ZCCHC17: variants seen among roughly 807,000 people sequenced by gnomAD.
ZCCHC17 encodes the protein zinc finger CCHC domain-containing protein 17.
A neutral mutation model predicts 30.6 loss-of-function variants in ZCCHC17; 18 were observed. The observed-to-expected ratio is 0.59, with a 90% CI of 0.41 to 0.87. The LOEUF is 0.87. Ranked by LOEUF, ZCCHC17 falls within the 40% of genes least tolerant of loss-of-function variation. The pLI, the probability that ZCCHC17 is intolerant of heterozygous loss-of-function variation, is 0.00. For missense variants in ZCCHC17, 263 were observed against 284.2 expected, an observed-to-expected ratio of 0.93 and a Z score of 0.54; for synonymous variants, 88 against 92.4, an observed-to-expected ratio of 0.95 and a Z score of 0.27.
At chr1:31,306,735 G>C (rs780608194) in intron 1 of ZCCHC17, among the ~76,000 whole-genome samples, 1 of 152,040 alleles carries the variant, frequency 6.6e-6, no homozygotes, top group East Asian at 1.9e-4. Flanking sequence ...TGGCATGATC[G>C]TACCTCACTG....
chr1:31,311,098 T>C (rs6425735), intron 2 of ZCCHC17, among the ~76,000 whole-genome samples: 68,184 of 152,160 alleles, frequency 0.45, 18,791 homozygotes, highest in Non-Finnish European at 0.62. Context: ...TTTAATTCTT[T>C]TTTAAAAATT....
At chr1:31,299,705 G>A (rs921215795) in intron 1 of ZCCHC17, among the ~76,000 whole-genome samples, 1 of 152,188 alleles carries the variant, frequency 6.6e-6, no homozygotes, top group African/African-American at 2.4e-5. Flanking sequence ...TGGAAGTTCT[G>A]CCAAAGTCTT....
intron 5 of ZCCHC17, among the ~76,000 whole-genome samples, chr1:31,342,336 C>T (rs1007198191): frequency 5.9e-5 from 9 of 152,150 alleles, no homozygotes; most frequent in South Asian, 4.1e-4. Flanking sequence ...GAGCCACTAC[C>T]GCTCAGCCCT....
chr1:31,325,839 AGTGACACCTGAAGAATCTT>A (rs977507613), intron 3 of ZCCHC17, among the ~76,000 whole-genome samples: 70 of 152,306 alleles, frequency 4.6e-4, no homozygotes, highest in African/African-American at 1.7e-3. Flanking sequence ...TGGCTGGAAA[AGTGACACCTGAAGAATCTT>A]GTGACACCAT....
intron 3 of ZCCHC17, among the ~76,000 whole-genome samples, chr1:31,329,634 T>C (rs930918523): frequency 2.6e-5 from 4 of 152,212 alleles, no homozygotes; most frequent in African/African-American, 9.7e-5. Flanking sequence ...AAATGAGTGT[T>C]GTTGCACTTA....
intron 4 of ZCCHC17, among the ~76,000 whole-genome samples, chr1:31,337,864 A>G (rs1569864710): frequency 6.6e-6 from 1 of 152,242 alleles, no homozygotes; most frequent in East Asian, 1.9e-4. Context: ...CTATTATTCA[A>G]CAATATTTAA....
At chr1:31,362,874 A>G (rs1639970402) in intron 7 of ZCCHC17, among the ~76,000 whole-genome samples, 1 of 152,240 alleles carries the variant, frequency 6.6e-6, no homozygotes. Context: ...CAAATTAGAC[A>G]GAAGTATTTG....
intron 5 of ZCCHC17, among the ~76,000 whole-genome samples, chr1:31,342,765 AAAG>A (rs1639094095): frequency 6.6e-6 from 1 of 152,228 alleles, no homozygotes; most frequent in South Asian, 2.1e-4. Flanking sequence ...CTCCCTGTTT[AAAG>A]AAAGGGTTCT....
intron 2 of ZCCHC17, among the ~76,000 whole-genome samples, chr1:31,313,019 G>T (rs896227677): frequency 6.6e-6 from 1 of 150,890 alleles, no homozygotes; most frequent in Non-Finnish European, 1.5e-5. Flanking sequence ...CACCTGCCTC[G>T]GCCTCCCAAA....
chr1:31,320,281 A>G (rs1262835115), intron 3 of ZCCHC17, among the ~76,000 whole-genome samples: 1 of 152,270 alleles, frequency 6.6e-6, no homozygotes, highest in Non-Finnish European at 1.5e-5. Context: ...TATACACTTT[A>G]TGATTCCATT....
chr1:31,302,650 A>AGTCAATTATAAAGGAGAAAG (rs1215438954), intron 1 of ZCCHC17, among the ~76,000 whole-genome samples: 40 of 152,344 alleles, frequency 2.6e-4, no homozygotes, highest in African/African-American at 9.6e-4. Flanking sequence ...TAAAGGAGAA[A>AGTCAATTATAAAGGAGAAAG]GGTTTAATTG....
intron 3 of ZCCHC17, among the ~76,000 whole-genome samples, chr1:31,335,959 G>A (rs1033073847): frequency 6.6e-6 from 1 of 151,998 alleles, no homozygotes; most frequent in Non-Finnish European, 1.5e-5. Context: ...TACTATGTTT[G>A]CCATGCTGTT....
In ZCCHC17 at chr1:31,346,456, C is replaced by T. The variant is rs185415344; in HGVS notation, c.318-184C>T. 6 of 552,900 alleles carry T rather than the reference C, an allele frequency of 1.1e-5. No individual in the cohort carries two copies. The Admixed American group carries it at 1.4e-4, about 12-fold the overall frequency. 34.2% of individuals were successfully genotyped at this position (552,900 alleles called of 1,614,324 possible). ...TAGTGAGATGAAGGTTAGTCTCATT[C>T]GTAATTGTTAATTTAGGGCTATTTC... On this transcript the variant is annotated intron_variant, in intron 5 of 7. Transcript: ENST00000344147.
In ZCCHC17 at chr1:31,337,288, G is replaced by GC. The variant is rs773694374; in HGVS notation, c.225+14dup. 3.7e-6 allele frequency: 6 copies of GC among 1,610,052 alleles called. No individual in the cohort carries two copies. In the African/African-American group the frequency reaches 8.0e-5, roughly 21 times the overall value. ...TATTGGCCGAGAGGTAAAGTTCTGT[G>GC]CGGCTCCCTTGTGGTTAGAAAGGAT... is the stretch of plus-strand genomic sequence containing the variant. On this transcript the variant is annotated intron_variant, in intron 4 of 7. Coordinates refer to ENST00000344147, the MANE Select transcript of ZCCHC17 (RefSeq NM_016505.4).
intron 1 of ZCCHC17, among the ~76,000 whole-genome samples, chr1:31,306,740 T>C (rs904879575): frequency 6.6e-6 from 1 of 152,146 alleles, no homozygotes; most frequent in Non-Finnish European, 1.5e-5. Context: ...TGATCGTACC[T>C]CACTGCAGCC....
chr1:31,342,337 G>A (rs184642941), intron 5 of ZCCHC17, among the ~76,000 whole-genome samples: 68 of 152,206 alleles, frequency 4.5e-4, no homozygotes, highest in Middle Eastern at 6.8e-3. Flanking sequence ...AGCCACTACC[G>A]CTCAGCCCTA....
chr1:31,337,479 T>C (rs1638866376), intron 4 of ZCCHC17, among the ~76,000 whole-genome samples: 1 of 152,180 alleles, frequency 6.6e-6, no homozygotes, highest in Non-Finnish European at 1.5e-5. Context: ...GCTATAAAAG[T>C]GTGGTGCAAT....
chr1:31,309,390 C>G (rs1418025906), intron 1 of ZCCHC17, among the ~76,000 whole-genome samples: 1 of 152,170 alleles, frequency 6.6e-6, no homozygotes, highest in South Asian at 2.1e-4. Flanking sequence ...TGATCTCTCA[C>G]TGCAGCCTCT....
chr1:31,313,424 A>G (rs889733230), intron 2 of ZCCHC17, among the ~76,000 whole-genome samples: 8 of 152,164 alleles, frequency 5.3e-5, no homozygotes, highest in Non-Finnish European at 7.3e-5. Flanking sequence ...CATACTTGGC[A>G]TTCATACTTG....
Sources: allele counts gnomAD v4.1 joint callset (sites outside exome capture counted in the v4.1 genomes callset), GRCh38; gene constraint gnomAD v4.1.1; transcripts MANE v1.5; gene names NCBI Gene and HGNC (gene_info 2026-07-23, HGNC 2026-07-21).